The following SPATA6L variants were observed in gnomAD, a reference collection of about 807,000 sequenced individuals.
SPATA6L encodes spermatogenesis associated 6 like.
A neutral mutation model predicts 49.2 loss-of-function variants in SPATA6L; 68 were observed. The observed-to-expected ratio is 1.38, with a 90% CI of 1.14 to 1.69. The LOEUF is 1.69. Among genes scored for constraint, SPATA6L ranks in the 40% most tolerant of loss-of-function variants. The probability of loss-of-function intolerance (pLI) is 0.00; values close to 1 mark genes in which losing one functional copy is unlikely to be tolerated. For synonymous variants in SPATA6L, 198 were observed against 165.7 expected, an observed-to-expected ratio of 1.19 and a Z score of -1.50; for missense variants, 668 against 464.3, an observed-to-expected ratio of 1.44 and a Z score of -4.03.
At chr9:4,591,163 G>T (rs1043779266) in intron 13 of SPATA6L, among the ~76,000 whole-genome samples, 1 of 152,148 alleles carries the variant, frequency 6.6e-6, no homozygotes. Context: ...AAGGGCAGTC[G>T]CTGGAGAAAA....
intron 2 of SPATA6L, among the ~76,000 whole-genome samples, 153 bp from the exon 3 acceptor site, chr9:4,656,242 C>T (rs1296196284): frequency 1.3e-5 from 2 of 152,108 alleles, no homozygotes; most frequent in Admixed American, 6.5e-5. Context: ...AGTTTCAGAC[C>T]AGCCTGGGCA....
intron 4 of SPATA6L, among the ~76,000 whole-genome samples, chr9:4,631,935 T>A (rs1362349371): frequency 3.3e-5 from 5 of 152,054 alleles, no homozygotes; most frequent in African/African-American, 4.8e-5. Flanking sequence ...AAAGAATAGC[T>A]GTCACCTCAC....
rs112460528 is a variant in SPATA6L at position 4,623,940 on chromosome 9, C to T, written c.669+1387G>A. 4.4e-3 allele frequency among the ~76,000 whole-genome samples: 672 copies of T among 152,298 alleles called. 7 individuals are homozygous for T. The highest frequency in any genetic ancestry group is 0.016 in the African/African-American group (646 of 41,564). On this transcript the variant is annotated intron_variant, in intron 6 of 11. Transcript: ENST00000682582. ...TGTCATTATCCAGGCCACCAAGCAACAGCTGTTGTGTATTTTTTGTAGATA... is the reference window on the plus strand; with the variant it reads ...TGTCATTATCCAGGCCACCAAGCAATAGCTGTTGTGTATTTTTTGTAGATA...
chr9:4,633,323 G>A (rs1330731826), intron 4 of SPATA6L: 4 of 153,416 alleles, frequency 2.6e-5, no homozygotes, highest in African/African-American at 9.7e-5. Context: ...AATCTGTTCA[G>A]GGTCACAATG....
chr9:4,665,935 G>A (rs943186204), intron 1 of SPATA6L, among the ~76,000 whole-genome samples: 1 of 151,900 alleles, frequency 6.6e-6, no homozygotes, highest in Non-Finnish European at 1.5e-5. Context: ...ACTTAATGCA[G>A]GGTTGTTTGA....
At position 4,637,297 on chromosome 9, in the gene SPATA6L, A is replaced by G. The variant is rs73393849; in HGVS notation, c.227-1898T>C. On this transcript the variant is annotated intron_variant, in intron 3 of 11. Coordinates refer to ENST00000682582, the MANE Select transcript of SPATA6L (RefSeq NM_001353486.2). Reference sequence around the variant, plus strand: ...TGCATGGCTGGCTCCTTCCTACTGAATAACAGGCTTGGTTTAAATGTCATC... The same window carrying G: ...TGCATGGCTGGCTCCTTCCTACTGAGTAACAGGCTTGGTTTAAATGTCATC... 5.1e-3 allele frequency among the ~76,000 whole-genome samples: 765 copies of G among 151,068 alleles called. 5 individuals carry two copies. The highest frequency in any genetic ancestry group is 0.018 in the African/African-American group (736 of 40,444).
chr9:4,635,543 C>T lies in SPATA6L; in HGVS notation c.227-144G>A, dbSNP rs1204625058. On this transcript the variant is annotated intron_variant, in intron 3 of 11. Transcript: ENST00000682582. ...CTAGCACATGTTATTCAAGAGGAGA[C>T]TAATTTCTACTACTTTTTATCTCGT... 4 of 689,454 alleles carry T rather than the reference C, an allele frequency of 5.8e-6. No homozygotes were observed. The East Asian group carries it at 1.4e-4, about 23-fold the overall frequency. 42.7% of individuals were successfully genotyped at this position (689,454 alleles called of 1,614,324 possible).
rs76911001 is a variant in SPATA6L, at chr9:4,604,739, A to G, written c.1090-470T>C. On this transcript the variant is annotated intron_variant, in intron 10 of 11. Transcript: ENST00000682582. ...AAGTCAAGAGGACTAATTCAACTAC[A>G]TGGCATCATTAAATTCAGCCACTGG... Among the ~76,000 whole-genome samples, 811 of 152,306 alleles carry G rather than the reference A, an allele frequency of 5.3e-3. 10 individuals are homozygous for G. Among genetic ancestry groups the G allele is most frequent in the African/African-American group, 0.019 (777 of 41,568 alleles).
chr9:4,605,553 C>CA lies in SPATA6L; in HGVS notation c.996-114dup, dbSNP rs551869381. On this transcript the variant is annotated intron_variant, in intron 9 of 11. Coordinates refer to ENST00000682582, the MANE Select transcript of SPATA6L (RefSeq NM_001353486.2). ...ACTTAATTATAATAAAAAACAGCAG[C>CA]ATGCAAAATGGTAAACATAGTGTGA... The CA allele has an allele frequency of 2.7e-4, 186 of 684,512 alleles. 1 individual carries two copies. In the African/African-American group the frequency reaches 3.0e-3, roughly 11 times the overall value. 42.4% of individuals were successfully genotyped at this position (684,512 alleles called of 1,614,324 possible). A position where few individuals can be genotyped will look rare whatever the true frequency, so the allele number is the denominator to read the frequency against.
rs578073334 is a variant in SPATA6L, at chr9:4,647,696, T to C, written c.226+8345A>G. 7.2e-5 allele frequency among the ~76,000 whole-genome samples: 11 copies of C among 152,120 alleles called. No homozygotes were observed. The South Asian group carries it at 1.9e-3, about 26-fold the overall frequency. On this transcript the variant is annotated intron_variant, in intron 3 of 11. Transcript: ENST00000682582. ...GCAAACCTATGTAGAATGACAAGAATAAAATTAAAATAAGGACAAGAATAA... is the reference window on the plus strand; with the variant it reads ...GCAAACCTATGTAGAATGACAAGAACAAAATTAAAATAAGGACAAGAATAA...
chr9:4,612,685 C>A (rs1341082279), intron 9 of SPATA6L, among the ~76,000 whole-genome samples: 1 of 152,174 alleles, frequency 6.6e-6, no homozygotes, highest in African/African-American at 2.4e-5. Context: ...TGAGCTGAGA[C>A]TCTTTGTTTA....
Position 4,662,039 on chromosome 9 carries a change from TAAAAA to T in SPATA6L, c.40-8_40-4del. 2.5e-6 allele frequency: 4 copies of T among 1,612,902 alleles called. No individual in the cohort carries two copies. The highest frequency in any genetic ancestry group is 3.4e-6 in the Non-Finnish European group (4 of 1,179,602). On this transcript the variant is annotated splice_polypyrimidine_tract_variant and splice_region_variant and intron_variant, in intron 1 of 11. Coordinates refer to ENST00000682582, the MANE Select transcript of SPATA6L (RefSeq NM_001353486.2). This position sits in a 1 kb window ranked among gnomAD's most constrained non-coding sequence, Gnocchi z 4.9. Reference sequence around the variant, plus strand: ...AGGAACACTCCTGGGCAAGAAATCTTAAAAAGAAAGAAAACAACAAACAAGGGAGA... The same window carrying T: ...AGGAACACTCCTGGGCAAGAAATCTTGAAAGAAAACAACAAACAAGGGAGA...
chr9:4,619,879 T>A (rs1389191942), intron 7 of SPATA6L, among the ~76,000 whole-genome samples: 3 of 152,040 alleles, frequency 2.0e-5, no homozygotes, highest in African/African-American at 7.2e-5. Flanking sequence ...GAAGACTAGG[T>A]TGGATTTTTC....
rs77691316 is a variant in SPATA6L, at chr9:4,633,249, C to G, written c.351+2026G>C. 1.7e-4 allele frequency: 27 copies of G among 157,346 alleles called. No individual in the cohort carries two copies. In the East Asian group the frequency reaches 4.0e-3, roughly 23 times the overall value. The allele number at this position is 157,346 out of a possible 1,614,324, so 9.7% of individuals were successfully genotyped here. On this transcript the variant is annotated intron_variant, in intron 4 of 11. Transcript: ENST00000682582. ...AGAGTATCTTGACCCATGGCCAAGT[C>G]TACCTGCTACTGAGAAGGGGCATTC...
intron 2 of SPATA6L, among the ~76,000 whole-genome samples, chr9:4,660,061 T>A (rs373490704): frequency 6.6e-6 from 1 of 152,182 alleles, no homozygotes; most frequent in Admixed American, 6.5e-5. Context: ...ATGTTAGACC[T>A]AAAACCATAA....
intron 1 of SPATA6L, among the ~76,000 whole-genome samples, chr9:4,665,797 T>G (rs1219078058): frequency 6.6e-6 from 1 of 152,208 alleles, no homozygotes. Flanking sequence ...AAATATCTGA[T>G]TGGTTCATAG....
chr9:4,630,537 T>C (rs1484192941), intron 4 of SPATA6L, among the ~76,000 whole-genome samples: 1 of 152,192 alleles, frequency 6.6e-6, no homozygotes, highest in Admixed American at 6.5e-5. Flanking sequence ...TGAGGGCATC[T>C]TCCTTCTTTT....
chr9:4,655,996 C>A (rs1349268988), intron 3 of SPATA6L, 45 bp downstream of exon 3: 9 of 1,466,804 alleles, frequency 6.1e-6, no homozygotes, highest in Non-Finnish European at 8.5e-6. Context: ...GTGAATTACA[C>A]ACAATAGTCT....
chr9:4,635,313 A>G lies in SPATA6L; in HGVS notation c.313T>C (p.Cys105Arg). 1.9e-6 allele frequency: 3 copies of G among 1,576,760 alleles called. No homozygotes were observed. The South Asian group carries it at 3.5e-5, about 18-fold the overall frequency. Reference protein sequence around the residue: ...PKLTPSHPRRCREVLMKTALG... With the variant: ...PKLTPSHPRRRREVLMKTALG... ...GCCGTCTTCATGAGCACCTCCCTAC[A>G]CCTCCTAGGGTGCGAAGGTGTCAGC... Residue 105 changes from cysteine to arginine, a missense_variant, in exon 4 of 12, where the codon TGT becomes CGT. Physicochemically the swap from Cys to Arg is radical, Grantham distance 180. Coordinates refer to ENST00000682582, the MANE Select transcript of SPATA6L (RefSeq NM_001353486.2).
Sources: allele counts gnomAD v4.1 joint callset (sites outside exome capture counted in the v4.1 genomes callset), GRCh38; gene constraint gnomAD v4.1.1; non-coding constraint Gnocchi (gnomAD v3.1); transcripts MANE v1.5; gene names NCBI Gene and HGNC (gene_info 2026-07-23, HGNC 2026-07-21).